UBE2H: variants seen among roughly 807,000 people sequenced by gnomAD.
The protein encoded by UBE2H is ubiquitin conjugating enzyme E2 H.
UBE2H carries 3 observed loss-of-function variants against 29.0 expected under a neutral mutation model. That is an observed-to-expected ratio of 0.10 (90% CI 0.05 to 0.27). The LOEUF (loss-of-function observed/expected upper bound fraction) is 0.27, where lower values mean the gene tolerates loss of function less well. Ranked by LOEUF, UBE2H falls within the 10% of genes least tolerant of loss-of-function variation. The pLI, the probability that UBE2H is intolerant of heterozygous loss-of-function variation, is 1.00. For synonymous variants in UBE2H, 69 were observed against 82.9 expected, an observed-to-expected ratio of 0.83 and a Z score of 0.91; for missense variants, 68 against 228.2, an observed-to-expected ratio of 0.30 and a Z score of 4.52.
intron 1 of UBE2H, among the ~76,000 whole-genome samples, chr7:129,908,643 G>A (rs1806868082): frequency 6.6e-6 from 1 of 152,218 alleles, no homozygotes. Flanking sequence ...AGAGGCTCCA[G>A]CTAACTGTCT....
At chr7:129,905,896 T>TA (rs1806805844) in intron 1 of UBE2H, among the ~76,000 whole-genome samples, 1 of 151,948 alleles carries the variant, frequency 6.6e-6, no homozygotes, top group Non-Finnish European at 1.5e-5. Flanking sequence ...AGCCAGGAGT[T>TA]AGAGGTTACA....
In UBE2H at chr7:129,879,421, A is replaced by G. The variant is rs1277517295; in HGVS notation, c.205+147T>C. ...TAACACACTATAGAAGTTCCCCCCA[A>G]AAGTCACTGATTAATTAACCAAAGC... On this transcript the variant is annotated intron_variant, in intron 3 of 6. Transcript: ENST00000355621. 5.6e-6 allele frequency: 4 copies of G among 718,444 alleles called. No individual in the cohort carries two copies. The African/African-American group carries it at 7.1e-5, about 13-fold the overall frequency. 44.5% of individuals were successfully genotyped at this position (718,444 alleles called of 1,614,324 possible).
intron 3 of UBE2H, among the ~76,000 whole-genome samples, chr7:129,874,724 A>G (rs1806112793): frequency 6.6e-6 from 1 of 152,150 alleles, no homozygotes; most frequent in Non-Finnish European, 1.5e-5. Context: ...TCATATGAAG[A>G]GAAAAATGCA....
intron 3 of UBE2H, among the ~76,000 whole-genome samples, chr7:129,868,937 T>TTTC (rs1805973062): frequency 1.2e-5 from 1 of 83,304 alleles, no homozygotes; most frequent in South Asian, 2.9e-4. Context: ...CTCTCTCTCT[T>TTTC]TTTTTTTTTT....
intron 1 of UBE2H, among the ~76,000 whole-genome samples, chr7:129,935,641 C>T (rs1584796721): frequency 6.6e-6 from 1 of 152,102 alleles, no homozygotes; most frequent in Non-Finnish European, 1.5e-5. Flanking sequence ...GGTACCAGAA[C>T]ACTGATATTA....
rs1396035341 is a variant in UBE2H, at chr7:129,952,591, T to C, written c.-36A>G. 3 of 1,605,906 alleles carry C rather than the reference T, an allele frequency of 1.9e-6. No individual in the cohort carries two copies. Among genetic ancestry groups the C allele is most frequent in the Admixed American group, 3.3e-5 (2 of 59,748 alleles). On this transcript the variant is annotated 5_prime_UTR_variant, in exon 1 of 7. Coordinates refer to ENST00000355621, the MANE Select transcript of UBE2H (RefSeq NM_003344.4). ...CCGCCTCTCTCCCTTCCTCGGCCCG[T>C]CTGTCACGGGCCCGGGGCCCCGGCT...
intron 3 of UBE2H, among the ~76,000 whole-genome samples, chr7:129,868,435 C>A (rs900796606): frequency 1.4e-5 from 2 of 145,736 alleles, no homozygotes; most frequent in East Asian, 3.9e-4. Context: ...AAAAAATTAG[C>A]CAGGCGCGGT....
At chr7:129,919,430 ATCTGCAGGCTC>A (rs1807111668) in intron 1 of UBE2H, among the ~76,000 whole-genome samples, 1 of 151,768 alleles carries the variant, frequency 6.6e-6, no homozygotes, top group African/African-American at 2.4e-5. Flanking sequence ...CTGCCTCCAT[ATCTGCAGGCTC>A]TCCTCTGCTT....
At chr7:129,873,256 T>G (rs1046846902) in intron 3 of UBE2H, among the ~76,000 whole-genome samples, 113 of 151,776 alleles carry the variant, frequency 7.4e-4, no homozygotes, top group Non-Finnish European at 1.0e-3. Context: ...CCTGACCTCG[T>G]GATCCACCCG....
chr7:129,933,897 C>T (rs1363072637), intron 1 of UBE2H, among the ~76,000 whole-genome samples: 2 of 152,238 alleles, frequency 1.3e-5, no homozygotes, highest in African/African-American at 4.8e-5. Context: ...TAAGGACTTA[C>T]TCTGATCTCA....
chr7:129,948,327 G>C (rs1807805406), intron 1 of UBE2H, among the ~76,000 whole-genome samples: 2 of 152,160 alleles, frequency 1.3e-5, no homozygotes, highest in Non-Finnish European at 2.9e-5. Context: ...GGCCACATCT[G>C]AGGTTTTGAA....
At chr7:129,932,982 G>A (rs553793628) in intron 1 of UBE2H, among the ~76,000 whole-genome samples, 2 of 152,050 alleles carry the variant, frequency 1.3e-5, no homozygotes, top group African/African-American at 4.8e-5. Context: ...AACCTAAAGA[G>A]TAAAATTCTG....
chr7:129,837,488 C>A (rs1041239164), intron 6 of UBE2H, among the ~76,000 whole-genome samples: 1 of 151,932 alleles, frequency 6.6e-6, no homozygotes, highest in African/African-American at 2.4e-5. Context: ...AAGGTGAGGA[C>A]GCAAGAAGTT....
Position 129,857,508 on chromosome 7 carries a change from C to T in UBE2H, c.298+3G>A. ...CCAAAAAATATTCCATGGCCAAACTCACCATAGAGAGCTGTCCAAGTTTGA... is the reference window on the plus strand; with the variant it reads ...CCAAAAAATATTCCATGGCCAAACTTACCATAGAGAGCTGTCCAAGTTTGA... On this transcript the variant is annotated splice_donor_region_variant and intron_variant, in intron 5 of 6. Transcript: ENST00000355621. The T allele has an allele frequency of 1.2e-6, 2 of 1,607,818 alleles. No homozygotes were observed. The highest frequency in any genetic ancestry group is 1.7e-6 in the Non-Finnish European group (2 of 1,177,536).
chr7:129,939,778 T>C (rs2116514223), intron 1 of UBE2H, among the ~76,000 whole-genome samples: 1 of 151,978 alleles, frequency 6.6e-6, no homozygotes, highest in Admixed American at 6.6e-5. Context: ...GCCAACATGG[T>C]GAAACCCCAT....
intron 1 of UBE2H, among the ~76,000 whole-genome samples, chr7:129,948,059 C>T (rs1807800207): frequency 6.6e-6 from 1 of 152,138 alleles, no homozygotes; most frequent in African/African-American, 2.4e-5. Flanking sequence ...GGGGTTTTGC[C>T]ATGTTGGCCA....
At chr7:129,875,638 T>C (rs1348768465) in intron 3 of UBE2H, among the ~76,000 whole-genome samples, 4 of 152,262 alleles carry the variant, frequency 2.6e-5, no homozygotes, top group Admixed American at 6.5e-5. Context: ...CGTTTTAATC[T>C]GCATTCTTTT....
At chr7:129,879,044 A>G (rs958358687) in intron 3 of UBE2H, among the ~76,000 whole-genome samples, 1 of 152,210 alleles carries the variant, frequency 6.6e-6, no homozygotes, top group African/African-American at 2.4e-5. Flanking sequence ...CTCTTTGTAC[A>G]ACCCCACTGA....
intron 3 of UBE2H, among the ~76,000 whole-genome samples, chr7:129,874,995 A>T (rs974903375): frequency 6.6e-6 from 1 of 152,214 alleles, no homozygotes; most frequent in Non-Finnish European, 1.5e-5. Flanking sequence ...TGGGTTAGGC[A>T]GGTCCTGAGC....
Sources: allele counts gnomAD v4.1 joint callset (sites outside exome capture counted in the v4.1 genomes callset), GRCh38; gene constraint gnomAD v4.1.1; transcripts MANE v1.5; gene names NCBI Gene and HGNC (gene_info 2026-07-23, HGNC 2026-07-21).